MGAT4C: variants seen among roughly 807,000 people sequenced by gnomAD.
MGAT4C encodes the protein alpha-1,3-mannosyl-glycoprotein 4-beta-N-acetylglucosaminyltransferase C.
MGAT4C carries 19 observed loss-of-function variants against 40.1 expected under a neutral mutation model. The ratio of observed to expected loss-of-function variants is 0.47; its 90% CI spans 0.33 to 0.70. MGAT4C has a LOEUF of 0.70. MGAT4C is among the 30% of genes least tolerant of loss of function. MGAT4C has a pLI of 0.02. For synonymous variants in MGAT4C, 181 were observed against 187.1 expected (o/e 0.97, Z 0.27); for missense variants, 491 against 563.2 (o/e 0.87, Z 1.30).
chr12:86,779,806 A>G (rs1012391758), intron 1 of MGAT4C, among the ~76,000 whole-genome samples: 2 of 151,842 alleles, frequency 1.3e-5, no homozygotes, highest in African/African-American at 4.8e-5. Context: ...CCAGCTACTC[A>G]GGAGGCTGAG....
chr12:86,338,414 C>T (rs1473378853), intron 3 of MGAT4C, among the ~76,000 whole-genome samples: 1 of 152,148 alleles, frequency 6.6e-6, no homozygotes, highest in Admixed American at 6.6e-5. Context: ...AATCTTCTAG[C>T]TGCGTGACTC....
At chr12:86,693,317 A>T (rs1187206718) in intron 2 of MGAT4C, among the ~76,000 whole-genome samples, 1 of 152,218 alleles carries the variant, frequency 6.6e-6, no homozygotes, top group Non-Finnish European at 1.5e-5. Context: ...ACGGCAAGGA[A>T]TTCTTCTCTT....
intron 3 of MGAT4C, among the ~76,000 whole-genome samples, chr12:86,419,016 T>C (rs572792455): frequency 6.6e-6 from 1 of 152,290 alleles, no homozygotes; most frequent in Non-Finnish European, 1.5e-5. Context: ...AGAGTTATTA[T>C]GGTTATTGCA....
At position 86,450,113 on chromosome 12, in the gene MGAT4C, G is replaced by A. The variant is rs1957400386; in HGVS notation, c.-228-14848C>T. On this transcript the variant is annotated intron_variant, in intron 2 of 7. Coordinates refer to the MGAT4C transcript ENST00000548651. ...ATACTGTGAAGTATTCATATGTTCAGCGTTAGTAGAAATTGCCAACTTTTC... is the reference window on the plus strand; with the variant it reads ...ATACTGTGAAGTATTCATATGTTCAACGTTAGTAGAAATTGCCAACTTTTC... 2.0e-5 allele frequency among the ~76,000 whole-genome samples: 3 copies of A among 152,060 alleles called. No homozygotes were observed. In the South Asian group the frequency reaches 6.2e-4, roughly 32 times the overall value.
chr12:86,627,378 G>C (rs535984663), intron 2 of MGAT4C, among the ~76,000 whole-genome samples: 168 of 152,310 alleles, frequency 1.1e-3, no homozygotes, highest in African/African-American at 3.9e-3. Context: ...GGTTCTTGCA[G>C]CATGGTGTTT....
chr12:86,578,589 A>T (rs1011547348), intron 2 of MGAT4C, among the ~76,000 whole-genome samples: 4 of 151,650 alleles, frequency 2.6e-5, no homozygotes, highest in African/African-American at 9.7e-5. Context: ...TCCTGATTCA[A>T]TTTTAGTAGG....
At chr12:86,650,272 A>G (rs1315715018) in intron 2 of MGAT4C, among the ~76,000 whole-genome samples, 2 of 151,946 alleles carry the variant, frequency 1.3e-5, no homozygotes, top group African/African-American at 4.8e-5. Flanking sequence ...TAATAAGCTT[A>G]GAGTTCTACC....
chr12:86,639,863 T>C (rs1267710763), intron 2 of MGAT4C, among the ~76,000 whole-genome samples: 1 of 151,776 alleles, frequency 6.6e-6, no homozygotes, highest in Non-Finnish European at 1.5e-5. Context: ...ATCAAGATTA[T>C]AAGGTTTCTT....
chr12:86,796,977 G>C (rs1952135175), intron 1 of MGAT4C, among the ~76,000 whole-genome samples: 2 of 151,886 alleles, frequency 1.3e-5, no homozygotes, highest in African/African-American at 4.8e-5. Context: ...AAGGTTCTCT[G>C]CCTCCAGGTG....
intron 1 of MGAT4C, among the ~76,000 whole-genome samples, chr12:86,111,470 A>G (rs1243696068): frequency 1.3e-5 from 2 of 151,838 alleles, no homozygotes; most frequent in East Asian, 1.9e-4. Flanking sequence ...TTCAGATTTC[A>G]TTTCTCAGTT....
intron 1 of MGAT4C, among the ~76,000 whole-genome samples, chr12:86,147,134 G>A (rs1267835667): frequency 2.0e-5 from 3 of 152,152 alleles, no homozygotes; most frequent in African/African-American, 7.2e-5. Flanking sequence ...TTTTCAACTA[G>A]AAGGGCATGC....
At chr12:86,024,017 GA>G (rs1890027477) in intron 2 of MGAT4C, among the ~76,000 whole-genome samples, 3 of 151,476 alleles carry the variant, frequency 2.0e-5, no homozygotes, top group South Asian at 2.1e-4. Flanking sequence ...CTTTAACTAT[GA>G]AAAAAATGTA....
At chr12:86,645,626 G>A (rs1428816148) in intron 2 of MGAT4C, among the ~76,000 whole-genome samples, 1 of 151,718 alleles carries the variant, frequency 6.6e-6, no homozygotes, top group Non-Finnish European at 1.5e-5. Context: ...ATTCAGGGCA[G>A]TGGAATTATG....
At chr12:86,405,477 A>G (rs1956445998) in intron 3 of MGAT4C, among the ~76,000 whole-genome samples, 1 of 152,046 alleles carries the variant, frequency 6.6e-6, no homozygotes, top group African/African-American at 2.4e-5. Flanking sequence ...TAAAAGAAAT[A>G]ACTGAAGATC....
intron 3 of MGAT4C, among the ~76,000 whole-genome samples, chr12:86,394,509 AATATTTAT>A (rs988894175): frequency 3.6e-4 from 51 of 142,544 alleles, no homozygotes; most frequent in African/African-American, 5.3e-4. Context: ...ATATTTTTTA[AATATTTAT>A]ATATTTATAT....
intron 1 of MGAT4C, among the ~76,000 whole-genome samples, chr12:86,241,338 C>T (rs1951774997): frequency 6.6e-6 from 1 of 152,114 alleles, no homozygotes; most frequent in African/African-American, 2.4e-5. Flanking sequence ...CCCATCTTTA[C>T]TACTACGGAA....
At chr12:86,110,727 C>G (rs2135640754) in intron 1 of MGAT4C, among the ~76,000 whole-genome samples, 2 of 151,758 alleles carry the variant, frequency 1.3e-5, no homozygotes, top group East Asian at 3.9e-4. Flanking sequence ...TCTAAAGGAA[C>G]TTTGAGATCA....
chr12:86,592,021 A>G (rs898005197), intron 2 of MGAT4C, among the ~76,000 whole-genome samples: 1 of 152,116 alleles, frequency 6.6e-6, no homozygotes, highest in African/African-American at 2.4e-5. Flanking sequence ...ATAAGTGTAC[A>G]TATTTTAAAA....
At chr12:86,138,551 AT>A (rs1882347721) in intron 1 of MGAT4C, among the ~76,000 whole-genome samples, 1 of 147,890 alleles carries the variant, frequency 6.8e-6, no homozygotes, top group Admixed American at 6.8e-5. Flanking sequence ...CCATAGATAT[AT>A]CATGTATATA....
Sources: allele counts gnomAD v4.1 joint callset (sites outside exome capture counted in the v4.1 genomes callset), GRCh38; gene constraint gnomAD v4.1.1; transcripts MANE v1.5; gene names NCBI Gene and HGNC (gene_info 2026-07-23, HGNC 2026-07-21).